Variants in NRXN1 observed in about 807,000 individuals in gnomAD.
NRXN1 encodes the protein neurexin 1.
NRXN1 carries 39 observed loss-of-function variants against 150.9 expected under a neutral mutation model. That is an observed-to-expected ratio of 0.26 (90% CI 0.20 to 0.34). The LOEUF (loss-of-function observed/expected upper bound fraction) is 0.34. NRXN1 is among the 10% of genes least tolerant of loss of function. The pLI is 1.00. For missense variants in NRXN1, 1,815 were observed against 1,949.9 expected (o/e 0.93, Z 1.30); for synonymous variants, 924 against 757.0 (o/e 1.22, Z -3.62).
At chr2:50,725,160 T>C (rs1455853256) in intron 5 of NRXN1, among the ~76,000 whole-genome samples, 2 of 152,110 alleles carry the variant, frequency 1.3e-5, no homozygotes, top group Non-Finnish European at 2.9e-5. Flanking sequence ...TGGTTTTCAA[T>C]ATTATCTCGA....
At chr2:50,379,278 G>T (rs1345442615) in intron 17 of NRXN1, among the ~76,000 whole-genome samples, 1 of 152,094 alleles carries the variant, frequency 6.6e-6, no homozygotes, top group Admixed American at 6.6e-5. Flanking sequence ...CTATCAGTCA[G>T]TATACTCACT....
At chr2:49,926,729 G>A (rs945683616) in intron 22 of NRXN1, among the ~76,000 whole-genome samples, 16 of 152,100 alleles carry the variant, frequency 1.1e-4, no homozygotes, top group African/African-American at 3.1e-4. Flanking sequence ...AAAGGAAATC[G>A]CCCTATGTAT....
intron 17 of NRXN1, among the ~76,000 whole-genome samples, chr2:50,418,939 C>G (rs760848279): frequency 6.6e-6 from 1 of 151,694 alleles, no homozygotes; most frequent in Non-Finnish European, 1.5e-5. Flanking sequence ...TTATTTTAAG[C>G]TTTTTATCAT....
At chr2:50,914,461 C>T (rs1016522559) in intron 5 of NRXN1, among the ~76,000 whole-genome samples, 12 of 151,722 alleles carry the variant, frequency 7.9e-5, no homozygotes, top group African/African-American at 2.7e-4. Context: ...CTTGTATAGA[C>T]ACAGAGACAT....
intron 5 of NRXN1, among the ~76,000 whole-genome samples, chr2:50,808,800 C>A (rs1008508738): frequency 2.0e-5 from 3 of 152,094 alleles, no homozygotes; most frequent in Admixed American, 6.6e-5. Context: ...GAGAAGATCA[C>A]CCTACTGCCT....
In NRXN1 at chr2:50,620,154, G is replaced by T. The variant is rs771054903; in HGVS notation, c.1188C>A (p.Thr396=). The change falls in exon 8 of 23, where the codon ACC becomes ACA. Residue 396 remains threonine, a synonymous_variant. Transcript: ENST00000401669. ...MVTISVDGIL[T]TTGYTQEDYT... ...AATCTTCTTGCGTGTAGCCCGTTGTGGTAAGAATCCCATCCACTGATATTG... is the reference window on the plus strand; with the variant it reads ...AATCTTCTTGCGTGTAGCCCGTTGTTGTAAGAATCCCATCCACTGATATTG... 1 of 1,613,372 alleles carries T rather than the reference G, an allele frequency of 6.2e-7. No individual in the cohort carries two copies. Among genetic ancestry groups the T allele is most frequent in the Non-Finnish European group, 8.5e-7 (1 of 1,179,602 alleles).
chr2:50,151,284 C>T (rs1270312668), intron 18 of NRXN1, among the ~76,000 whole-genome samples: 1 of 151,640 alleles, frequency 6.6e-6, no homozygotes, highest in African/African-American at 2.4e-5. Flanking sequence ...GCCTTTCTGA[C>T]AGTTACAAAC....
chr2:50,358,729 T>A (rs1026944829), intron 17 of NRXN1, among the ~76,000 whole-genome samples: 8 of 152,232 alleles, frequency 5.3e-5, no homozygotes, highest in Non-Finnish European at 1.2e-4. Context: ...GCTGGAGCTC[T>A]GCTAAGGGAC....
At chr2:50,860,979 T>C (rs924732871) in intron 5 of NRXN1, among the ~76,000 whole-genome samples, 38 of 152,106 alleles carry the variant, frequency 2.5e-4, no homozygotes, top group African/African-American at 8.9e-4. Flanking sequence ...TGACATGTTA[T>C]AAGCAATAAA....
chr2:50,547,266 C>A (rs975171659), intron 9 of NRXN1, among the ~76,000 whole-genome samples: 3 of 151,790 alleles, frequency 2.0e-5, no homozygotes, highest in Non-Finnish European at 4.4e-5. Context: ...AATGAGTTTT[C>A]TCTTTGATTT....
At chr2:50,642,078 G>T (rs924508440) in intron 5 of NRXN1, among the ~76,000 whole-genome samples, 4 of 152,046 alleles carry the variant, frequency 2.6e-5, no homozygotes, top group African/African-American at 7.2e-5. Flanking sequence ...CTTGAAAATT[G>T]TAAGGACCAT....
rs1387151465 is a variant in NRXN1 at position 50,899,290 on chromosome 2, G to A, written c.832+22579C>T. Among the ~76,000 whole-genome samples, 3 of 152,106 alleles carry A rather than the reference G, an allele frequency of 2.0e-5. No individual in the cohort carries two copies. In the East Asian group the frequency reaches 5.8e-4, roughly 29 times the overall value. ...GCACCTCACTCCAATTTCCAATGCA[G>A]TACAATTGAAAACGTTATCAGATAA... On this transcript the variant is annotated intron_variant, in intron 5 of 22. Transcript: ENST00000401669.
intron 18 of NRXN1, among the ~76,000 whole-genome samples, chr2:50,129,860 T>C (rs1442112376): frequency 1.3e-5 from 2 of 152,194 alleles, no homozygotes; most frequent in Middle Eastern, 3.2e-3. Context: ...TTTTGAATTT[T>C]TACTTGAATT....
intron 19 of NRXN1, among the ~76,000 whole-genome samples, chr2:50,081,460 G>A (rs911934747): frequency 1.3e-5 from 2 of 152,144 alleles, no homozygotes; most frequent in African/African-American, 2.4e-5. Context: ...GCTGAGGCAT[G>A]AGAATTGTTT....
intron 8 of NRXN1, among the ~76,000 whole-genome samples, chr2:50,570,446 T>C (rs1012195072): frequency 4.6e-5 from 7 of 152,190 alleles, no homozygotes; most frequent in African/African-American, 7.2e-5. Context: ...GTAAATCCAA[T>C]AATCTGCTCC....
chr2:50,527,984 C>A (rs1023642157), intron 12 of NRXN1, among the ~76,000 whole-genome samples: 3 of 152,106 alleles, frequency 2.0e-5, no homozygotes, highest in Non-Finnish European at 2.9e-5. Context: ...AAATCACAGT[C>A]CTTATATCCT....
At chr2:50,829,128 CTG>C (rs756989552) in intron 5 of NRXN1, among the ~76,000 whole-genome samples, 13,160 of 152,034 alleles carry the variant, frequency 0.087, 670 homozygotes, top group Admixed American at 0.088. Context: ...ACTCGGCAGG[CTG>C]AGGCAGGAGA....
intron 5 of NRXN1, among the ~76,000 whole-genome samples, chr2:50,832,579 A>AG (rs1489970586): frequency 1.3e-5 from 2 of 152,150 alleles, no homozygotes; most frequent in African/African-American, 4.8e-5. Flanking sequence ...GCTTGAACCC[A>AG]GTAGGCAGAG....
chr2:50,809,773 A>G (rs1026197781), intron 5 of NRXN1, among the ~76,000 whole-genome samples: 11 of 152,170 alleles, frequency 7.2e-5, no homozygotes, highest in African/African-American at 2.4e-4. Flanking sequence ...CATGTTTAAT[A>G]TTAATTGCTA....
Sources: allele counts gnomAD v4.1 joint callset (sites outside exome capture counted in the v4.1 genomes callset), GRCh38; gene constraint gnomAD v4.1.1; transcripts MANE v1.5; gene names NCBI Gene and HGNC (gene_info 2026-07-23, HGNC 2026-07-21).